Variants in ULK4 observed in about 807,000 individuals in gnomAD.
The protein encoded by ULK4 is inactive serine/threonine-protein kinase ULK4.
ULK4 carries 133 observed loss-of-function variants against 160.6 expected under a neutral mutation model. That is an observed-to-expected ratio of 0.83 (90% CI 0.72 to 0.96). ULK4 has a LOEUF of 0.96. Among genes scored for constraint, ULK4 ranks in the 40% least tolerant of loss-of-function variants. The probability of loss-of-function intolerance (pLI) is 0.00; values close to 1 mark genes in which losing one functional copy is unlikely to be tolerated. For missense variants in ULK4, 1,580 were observed against 1,499.5 expected, an observed-to-expected ratio of 1.05 and a Z score of -0.89; for synonymous variants, 534 against 539.8, an observed-to-expected ratio of 0.99 and a Z score of 0.15.
At chr3:41,595,293 C>T (rs567915643) in intron 31 of ULK4, among the ~76,000 whole-genome samples, 1 of 152,240 alleles carries the variant, frequency 6.6e-6, no homozygotes, top group South Asian at 2.1e-4. Context: ...CTCTTCCTGC[C>T]CACTGATCCT....
chr3:41,605,555 A>T (rs1454950130), intron 31 of ULK4, among the ~76,000 whole-genome samples: 1 of 152,028 alleles, frequency 6.6e-6, no homozygotes, highest in African/African-American at 2.4e-5. Flanking sequence ...AAGATGACAT[A>T]AAATCCTAAA....
chr3:41,707,620 C>T (rs1390914218), intron 25 of ULK4, among the ~76,000 whole-genome samples: 2 of 152,008 alleles, frequency 1.3e-5, no homozygotes, highest in African/African-American at 4.8e-5. Flanking sequence ...TAATCTGAGG[C>T]CAGGAGTTTG....
intron 32 of ULK4, among the ~76,000 whole-genome samples, chr3:41,514,350 G>A (rs1352559374): frequency 6.6e-6 from 1 of 152,110 alleles, no homozygotes; most frequent in African/African-American, 2.4e-5. Context: ...ACAGGACCAG[G>A]TCAAACAAAA....
At position 41,661,531 on chromosome 3, in the gene ULK4, A is replaced by G. The variant is rs199870879; in HGVS notation, c.3071+2076T>C. Among the ~76,000 whole-genome samples the G allele has an allele frequency of 5.5e-3, 820 of 148,468 alleles. 3 individuals are homozygous for G. Among genetic ancestry groups the G allele is most frequent in the East Asian group, 0.041 (211 of 5,116 alleles). On this transcript the variant is annotated intron_variant, in intron 30 of 36. Coordinates refer to ENST00000301831, the MANE Select transcript of ULK4 (RefSeq NM_017886.4). Reference sequence around the variant, plus strand: ...TAGATGATAGATAGATAGATAGATAAATAGATAGATAAATAGATAGATAAT... The same window carrying G: ...TAGATGATAGATAGATAGATAGATAGATAGATAGATAAATAGATAGATAAT...
chr3:41,800,392 A>T, intron 19 of ULK4, 99 bp from the exon 20 acceptor site: 1 of 1,233,592 alleles, frequency 8.1e-7, no homozygotes, highest in South Asian at 1.5e-5. Context: ...CAAGACAGTA[A>T]CATGCCTCTG....
At chr3:41,850,271 T>G (rs1004114880) in intron 17 of ULK4, among the ~76,000 whole-genome samples, 2 of 152,248 alleles carry the variant, frequency 1.3e-5, no homozygotes, top group African/African-American at 4.8e-5. Flanking sequence ...GCAATAAACA[T>G]ACGTGTGCAT....
rs1325415121 is a variant in ULK4, at chr3:41,740,333, A to G, written c.2321+14028T>C. ...TAACAATACTATGGGGAAGGAAAAA[A>G]AACTCTAGGAAAATCTGATCCATCA... On this transcript the variant is annotated intron_variant, in intron 22 of 36. Coordinates refer to ENST00000301831, the MANE Select transcript of ULK4 (RefSeq NM_017886.4). Among the ~76,000 whole-genome samples, 13 of 151,938 alleles carry G rather than the reference A, an allele frequency of 8.6e-5. 1 individual carries two copies. The highest frequency in any genetic ancestry group is 2.9e-4 in the African/African-American group (12 of 41,272).
At chr3:41,519,680 A>G (rs1383314022) in intron 32 of ULK4, among the ~76,000 whole-genome samples, 1 of 152,158 alleles carries the variant, frequency 6.6e-6, no homozygotes, top group Non-Finnish European at 1.5e-5. Context: ...AATAAAAGAA[A>G]CACTGTGTAC....
At chr3:41,892,814 G>A (rs1340821218) in intron 16 of ULK4, among the ~76,000 whole-genome samples, 1 of 152,164 alleles carries the variant, frequency 6.6e-6, no homozygotes, top group African/African-American at 2.4e-5. Flanking sequence ...CCAACTACCT[G>A]CTTCCTGTTG....
chr3:41,788,874 C>CT (rs1293588383), intron 21 of ULK4, among the ~76,000 whole-genome samples: 1 of 152,090 alleles, frequency 6.6e-6, no homozygotes, highest in African/African-American at 2.4e-5. Context: ...GCCAGGCCTA[C>CT]TTTATTTTTT....
At chr3:41,577,137 C>A (rs1475683193) in intron 31 of ULK4, among the ~76,000 whole-genome samples, 1 of 151,990 alleles carries the variant, frequency 6.6e-6, no homozygotes, top group African/African-American at 2.4e-5. Context: ...TGGGAATTGA[C>A]TGGAAGATTA....
intron 2 of ULK4, among the ~76,000 whole-genome samples, chr3:41,950,091 CTT>C (rs561321352): frequency 1.7e-4 from 24 of 144,358 alleles, no homozygotes; most frequent in Admixed American, 1.4e-4. Context: ...TTTTATTTTT[CTT>C]TTTTTTTTTT....
chr3:41,648,712 G>A (rs2034611929), intron 30 of ULK4, among the ~76,000 whole-genome samples: 1 of 152,088 alleles, frequency 6.6e-6, no homozygotes, highest in African/African-American at 2.4e-5. Context: ...CTCCTTTAGG[G>A]AATGTTGAGG....
chr3:41,423,040 C>T (rs917184089), intron 34 of ULK4, among the ~76,000 whole-genome samples: 2 of 151,996 alleles, frequency 1.3e-5, no homozygotes, highest in Admixed American at 6.6e-5. Context: ...GAAAAGATGT[C>T]CATAATATTG....
intron 32 of ULK4, among the ~76,000 whole-genome samples, chr3:41,559,014 T>A (rs182656632): frequency 7.5e-6 from 1 of 133,960 alleles, no homozygotes; most frequent in Admixed American, 7.9e-5. Context: ...CTCCTAATGC[T>A]ATCCCTCCCC....
At chr3:41,399,596 C>G (rs1378883738) in intron 34 of ULK4, among the ~76,000 whole-genome samples, 5 of 151,826 alleles carry the variant, frequency 3.3e-5, no homozygotes, top group Non-Finnish European at 7.4e-5. Flanking sequence ...TTTTGGGAGA[C>G]AGCATCTCTC....
chr3:41,697,633 A>C (rs2036545235), intron 27 of ULK4, among the ~76,000 whole-genome samples: 2 of 152,216 alleles, frequency 1.3e-5, no homozygotes, highest in East Asian at 3.9e-4. Context: ...ATGCATCACC[A>C]TGCCCAGTTA....
rs1018316294 is a variant in ULK4, at chr3:41,579,484, T to A, written c.3121-13354A>T. On this transcript the variant is annotated intron_variant, in intron 31 of 36. Coordinates refer to ENST00000301831, the MANE Select transcript of ULK4 (RefSeq NM_017886.4). The stretch of plus-strand genomic sequence containing the variant: ...GCTATTCACTTCAATCTGGAACTAA[T>A]ATTTTTTTTTTTTTTTTTTTTTTTT... Among the ~76,000 whole-genome samples the A allele has an allele frequency of 7.7e-5, 8 of 103,570 alleles. No individual in the cohort carries two copies. The South Asian group carries it at 2.4e-3, about 31-fold the overall frequency. 67.9% of individuals were successfully genotyped at this position (103,570 alleles called of 152,430 possible). A position where few individuals can be genotyped will look rare whatever the true frequency, so the allele number is the denominator to read the frequency against.
intron 23 of ULK4, 93 bp downstream of exon 23, chr3:41,717,635 G>T: frequency 1.3e-6 from 2 of 1,486,568 alleles, no homozygotes; most frequent in Non-Finnish European, 1.8e-6. Flanking sequence ...TTCAAGAACA[G>T]ACAAGTAAGA....
Sources: gnomAD v4.1 joint callset for allele counts (sites outside exome capture counted in the v4.1 genomes callset) on GRCh38, gnomAD v4.1.1 for gene constraint, MANE v1.5 for transcripts, NCBI Gene and HGNC (gene_info 2026-07-23, HGNC 2026-07-21) for gene names.